Variants in NCKAP5 observed in about 807,000 individuals in gnomAD.
NCKAP5 encodes nck-associated protein 5.
Under a neutral mutation model 167.0 loss-of-function variants are expected in NCKAP5, and 92 were observed. The ratio of observed to expected loss-of-function variants is 0.55; its 90% CI spans 0.47 to 0.66. The LOEUF is 0.66. Ranked by LOEUF, NCKAP5 falls within the 30% of genes least tolerant of loss-of-function variation. The probability of loss-of-function intolerance (pLI) is 0.00; values close to 1 mark genes in which losing one functional copy is unlikely to be tolerated. For missense variants in NCKAP5, 2,378 were observed against 2,315.0 expected (o/e 1.03, Z -0.56); for synonymous variants, 891 against 877.4 (o/e 1.02, Z -0.27).
intron 4 of NCKAP5, among the ~76,000 whole-genome samples, chr2:133,259,180 C>G (rs2088782559): frequency 6.6e-6 from 1 of 152,142 alleles, no homozygotes; most frequent in African/African-American, 2.4e-5. Context: ...CTTCCCCCAG[C>G]TGGCCTATCC....
intron 8 of NCKAP5, among the ~76,000 whole-genome samples, chr2:132,905,240 C>T (rs951585600): frequency 1.3e-5 from 2 of 152,076 alleles, no homozygotes; most frequent in Admixed American, 1.3e-4. Flanking sequence ...TGTTGATATA[C>T]AATATCTCCT....
At chr2:133,604,414 C>T in the NCKAP5 span, among the ~76,000 whole-genome samples, 1 of 152,012 alleles carries the variant, frequency 6.6e-6, no homozygotes, top group African/African-American at 2.4e-5. Context: ...CCATGTTGGC[C>T]AGGCTGGTCT....
At chr2:133,576,628 T>A in the NCKAP5 span, among the ~76,000 whole-genome samples, 1 of 152,184 alleles carries the variant, frequency 6.6e-6, no homozygotes, top group East Asian at 1.9e-4. Flanking sequence ...ATTGAAATAT[T>A]TCCACCTCTG....
chr2:133,085,760 A>G (rs549728662), intron 6 of NCKAP5, among the ~76,000 whole-genome samples: 1 of 152,260 alleles, frequency 6.6e-6, no homozygotes, highest in East Asian at 1.9e-4. Context: ...GGAGAACTGC[A>G]GGTCTTCGCT....
chr2:133,627,186 T>G, the NCKAP5 span, among the ~76,000 whole-genome samples: 1 of 152,068 alleles, frequency 6.6e-6, no homozygotes, highest in Non-Finnish European at 1.5e-5. Context: ...GTTATTTCTT[T>G]GTAAAAGGCA....
At chr2:133,288,966 C>A (rs1413096270) in intron 4 of NCKAP5, among the ~76,000 whole-genome samples, 1 of 152,120 alleles carries the variant, frequency 6.6e-6, no homozygotes, top group African/African-American at 2.4e-5. Flanking sequence ...TCTTCCAAAC[C>A]ATTCTCATTA....
chr2:133,357,195 C>T (rs1443420047), intron 3 of NCKAP5, among the ~76,000 whole-genome samples: 1 of 151,642 alleles, frequency 6.6e-6, no homozygotes, highest in African/African-American at 2.4e-5. Context: ...GCATGCTTGC[C>T]CGACCCTAAA....
intron 19 of NCKAP5, among the ~76,000 whole-genome samples, chr2:132,702,771 T>C (rs1688000942): frequency 6.6e-6 from 1 of 152,196 alleles, no homozygotes; most frequent in South Asian, 2.1e-4. Context: ...ACTGTTTGGC[T>C]GTGATTTCCA....
chr2:133,475,279 A>G (rs980691442), intron 3 of NCKAP5, among the ~76,000 whole-genome samples: 1 of 152,216 alleles, frequency 6.6e-6, no homozygotes, highest in Non-Finnish European at 1.5e-5. Flanking sequence ...ACCAAGTCCA[A>G]TAACTGTTCC....
At chr2:132,996,318 T>A (rs184442870) in intron 6 of NCKAP5, among the ~76,000 whole-genome samples, 4 of 152,370 alleles carry the variant, frequency 2.6e-5, no homozygotes, top group African/African-American at 9.6e-5. Context: ...CTACAAATTA[T>A]ATACTACATG....
At chr2:133,121,356 C>A (rs71413533) in intron 6 of NCKAP5, among the ~76,000 whole-genome samples, 19,324 of 151,910 alleles carry the variant, frequency 0.13, 1,460 homozygotes, top group East Asian at 0.37. Context: ...TAAATGATGA[C>A]ACTATTAAAA....
At chr2:133,105,483 G>A (rs937372468) in intron 6 of NCKAP5, among the ~76,000 whole-genome samples, 5 of 152,144 alleles carry the variant, frequency 3.3e-5, no homozygotes, top group South Asian at 4.1e-4. Flanking sequence ...ACTCTACATG[G>A]GAGAATTTCC....
At chr2:132,971,680 G>C (rs999933095) in intron 7 of NCKAP5, among the ~76,000 whole-genome samples, 1 of 152,306 alleles carries the variant, frequency 6.6e-6, no homozygotes, top group Non-Finnish European at 1.5e-5. Flanking sequence ...TTTGTAAGGC[G>C]TTCCATAATT....
chr2:133,147,777 T>A (rs868649948), intron 5 of NCKAP5, among the ~76,000 whole-genome samples: 6 of 152,256 alleles, frequency 3.9e-5, no homozygotes, highest in African/African-American at 1.2e-4. Flanking sequence ...GGAATCTACA[T>A]ACATATTTGA....
chr2:133,024,963 T>C (rs1275488604), intron 6 of NCKAP5, among the ~76,000 whole-genome samples: 2 of 152,360 alleles, frequency 1.3e-5, no homozygotes, highest in East Asian at 1.9e-4. Flanking sequence ...GAAAATATGA[T>C]GATGGATCTG....
At chr2:133,092,529 T>C (rs1015973408) in intron 6 of NCKAP5, among the ~76,000 whole-genome samples, 8 of 152,220 alleles carry the variant, frequency 5.3e-5, no homozygotes. Context: ...AACATTTCAA[T>C]AGGTTCTTGG....
chr2:133,225,505 A>G (rs2086842728), intron 4 of NCKAP5, among the ~76,000 whole-genome samples: 2 of 152,196 alleles, frequency 1.3e-5, no homozygotes, highest in Non-Finnish European at 2.9e-5. Context: ...GTACTGATGG[A>G]ATCCCTGATG....
chr2:133,099,052 G>C (rs1203683327), intron 6 of NCKAP5, among the ~76,000 whole-genome samples: 1 of 152,100 alleles, frequency 6.6e-6, no homozygotes, highest in Non-Finnish European at 1.5e-5. Flanking sequence ...CATGGAAAAT[G>C]ACTTATCTTT....
chr2:133,574,301 G>GACC, the NCKAP5 span, among the ~76,000 whole-genome samples: 1 of 151,752 alleles, frequency 6.6e-6, no homozygotes, highest in Non-Finnish European at 1.5e-5. Flanking sequence ...AGTCCCAGAC[G>GACC]ACCACGCTAG....
Sources: gnomAD v4.1 joint callset for allele counts (sites outside exome capture counted in the v4.1 genomes callset) on GRCh38, gnomAD v4.1.1 for gene constraint, MANE v1.5 for transcripts, NCBI Gene and HGNC (gene_info 2026-07-23, HGNC 2026-07-21) for gene names.